Variants in URGCP observed in about 807,000 individuals in gnomAD.
URGCP encodes the protein upregulator of cell proliferation.
In URGCP, 13 loss-of-function variants were observed where a neutral mutation model predicts 24.6. The observed-to-expected ratio is 0.53, with a 90% confidence interval of 0.34 to 0.84. The LOEUF (loss-of-function observed/expected upper bound fraction) is 0.84, where lower values mean the gene tolerates loss of function less well. Ranked by LOEUF, URGCP falls within the 40% of genes least tolerant of loss-of-function variation. The probability of loss-of-function intolerance (pLI) is 0.01; values close to 1 mark genes in which losing one functional copy is unlikely to be tolerated. For missense variants in URGCP, 899 were observed against 1,194.3 expected (o/e 0.75, Z 3.64); for synonymous variants, 444 against 487.2 (o/e 0.91, Z 1.17).
chr7:43,908,688 C>T (rs1290601293), upstream of URGCP, among the ~76,000 whole-genome samples: 2 of 152,190 alleles, frequency 1.3e-5, no homozygotes, highest in South Asian at 2.1e-4. Flanking sequence ...CATTCCTTCT[C>T]CCTAGTAATC....
chr7:43,926,657 G>A (rs1461990228), upstream of URGCP: 8 of 1,292,450 alleles, frequency 6.2e-6, no homozygotes, highest in Non-Finnish European at 7.3e-6. Context: ...GGCTCCGCGA[G>A]TCGCGGATAC....
At chr7:43,903,560 A>C (rs1285879349) in intron 1 of URGCP, among the ~76,000 whole-genome samples, 1 of 152,214 alleles carries the variant, frequency 6.6e-6, no homozygotes, top group Non-Finnish European at 1.5e-5. Context: ...TCACACAGCT[A>C]ACCCAGGTTA....
In URGCP at chr7:43,883,337, C is replaced by CATAT. The variant is rs1215710880; in HGVS notation, c.113-1384_113-1381dup. On this transcript the variant is annotated intron_variant, in intron 3 of 5. Transcript: ENST00000453200. ...ATATATATAAATATATATATATATA[C>CATAT]ATATATATATATATATATATATATA... Among the ~76,000 whole-genome samples, 265 of 105,398 alleles carry CATAT rather than the reference C, an allele frequency of 2.5e-3. 1 individual carries two copies. The highest frequency in any genetic ancestry group is 8.0e-3 in the South Asian group (24 of 2,990). The allele number at this position is 105,398 out of a possible 152,430, so 69.1% of individuals were successfully genotyped here.
intron 1 of URGCP, chr7:43,920,093 T>C (rs555895968): frequency 3.5e-6 from 4 of 1,153,962 alleles, no homozygotes; most frequent in South Asian, 1.4e-5. Context: ...TCTGCCTTAC[T>C]GGTTGACCAA....
At chr7:43,926,703 C>G, upstream of URGCP, 1 of 887,476 alleles carries the variant, frequency 1.1e-6, no homozygotes, top group Non-Finnish European at 1.6e-6. Context: ...GCCTCCCGCG[C>G]AGCCTGAAAA....
exon 1 of URGCP, chr7:43,926,405 C>T (rs969291955): frequency 4.3e-5 from 34 of 786,504 alleles, no homozygotes; most frequent in Non-Finnish European, 4.9e-5. Flanking sequence ...GACGACGGCC[C>T]CACAGTGCCC....
chr7:43,881,328 T>C, intron 5 of URGCP: 2 of 671,968 alleles, frequency 3.0e-6, no homozygotes, highest in Non-Finnish European at 5.3e-6. Context: ...GGGCTGTACA[T>C]TAGAATCAAT....
chr7:43,923,876 A>T (rs1421185953), intron 1 of URGCP, among the ~76,000 whole-genome samples: 3 of 146,570 alleles, frequency 2.0e-5, no homozygotes, highest in African/African-American at 8.2e-5. Context: ...GTGTATTATT[A>T]TTATTTTTTT....
intron 3 of URGCP, among the ~76,000 whole-genome samples, chr7:43,885,289 C>T (rs150330607): frequency 2.6e-5 from 4 of 151,940 alleles, no homozygotes; most frequent in Non-Finnish European, 5.9e-5. Flanking sequence ...TTAGTAGAGA[C>T]GGGGTTTCAT....
At chr7:43,889,650 G>A (rs1437669514) in intron 1 of URGCP, 1 of 152,136 alleles carries the variant, frequency 6.6e-6, no homozygotes, top group Non-Finnish European at 1.5e-5. Context: ...ATGTTAATCT[G>A]TCCTCTCCTC....
At chr7:43,887,627 TC>T in intron 2 of URGCP, 142 bp from the exon 3 acceptor site, 1 of 1,473,192 alleles carries the variant, frequency 6.8e-7, no homozygotes, top group East Asian at 2.5e-5. Context: ...GAAACCAGAA[TC>T]TCTGGGAGCT....
intron 1 of URGCP, chr7:43,889,617 CAT>C (rs754543186): frequency 6.6e-6 from 1 of 152,312 alleles, no homozygotes; most frequent in Non-Finnish European, 1.5e-5. Context: ...GCTTTCCTGT[CAT>C]ATGTTTGAAA....
At chr7:43,883,521 C>G (rs923698523) in intron 3 of URGCP, among the ~76,000 whole-genome samples, 1 of 151,460 alleles carries the variant, frequency 6.6e-6, no homozygotes, top group African/African-American at 2.4e-5. Flanking sequence ...CCACCACACC[C>G]AGCTAATTTT....
chr7:43,893,902 A>G (rs1310450329), intron 1 of URGCP, among the ~76,000 whole-genome samples: 3 of 152,176 alleles, frequency 2.0e-5, no homozygotes, highest in African/African-American at 7.2e-5. Flanking sequence ...GGGACGAAAA[A>G]AAAATATTCC....
intron 3 of URGCP, 129 bp downstream of exon 3, chr7:43,887,286 G>T: frequency 9.5e-7 from 1 of 1,048,548 alleles, no homozygotes; most frequent in East Asian, 2.7e-5. Context: ...AAAAATAAAA[G>T]CCTTAAACTT....
intron 1 of URGCP, among the ~76,000 whole-genome samples, chr7:43,914,966 T>G (rs1182121690): frequency 6.6e-6 from 1 of 152,160 alleles, no homozygotes; most frequent in African/African-American, 2.4e-5. Flanking sequence ...GTGGAGTGGC[T>G]CAGACTAACG....
At chr7:43,902,886 A>G (rs2095894021) in intron 1 of URGCP, among the ~76,000 whole-genome samples, 1 of 152,242 alleles carries the variant, frequency 6.6e-6, no homozygotes, top group African/African-American at 2.4e-5. Flanking sequence ...CAGGTACTCT[A>G]CATGTCCAGA....
At position 43,920,255 on chromosome 7, in the gene URGCP, A is replaced by AT. The variant is rs550933089; in HGVS notation, c.-116+5876dup. Among the ~76,000 whole-genome samples the AT allele has an allele frequency of 4.8e-3, 736 of 152,276 alleles. 2 individuals are homozygous for AT. The highest frequency in any genetic ancestry group is 8.4e-3 in the Non-Finnish European group (572 of 68,022). The stretch of plus-strand genomic sequence containing the variant: ...TTAATAAAGCAGTGGATATAAATAA[A>AT]TTTTTTTTAAAAAGTGGATATCTGA... On this transcript the variant is annotated intron_variant, in intron 1 of 5. Coordinates refer to the URGCP transcript ENST00000426198.
chr7:43,926,527 G>A, upstream of URGCP: 2 of 1,552,824 alleles, frequency 1.3e-6, no homozygotes, highest in South Asian at 1.2e-5. Flanking sequence ...CCGGCAGCGG[G>A]GTAGGATGGC....
Sources: gnomAD v4.1 joint callset for allele counts (sites outside exome capture counted in the v4.1 genomes callset) on GRCh38, gnomAD v4.1.1 for gene constraint, MANE v1.5 for transcripts, NCBI Gene and HGNC (gene_info 2026-07-23, HGNC 2026-07-21) for gene names.